ACSS3: variants seen among roughly 807,000 people sequenced by gnomAD.
ACSS3 encodes the protein acyl-CoA synthetase short-chain family member 3, mitochondrial.
In ACSS3, 64 loss-of-function variants were observed where a neutral mutation model predicts 84.2. The ratio of observed to expected loss-of-function variants is 0.76; its 90% CI spans 0.62 to 0.94. The LOEUF is 0.94. Ranked by LOEUF, ACSS3 falls within the 40% of genes least tolerant of loss-of-function variation. ACSS3 has a pLI of 0.00. For missense variants in ACSS3, 815 were observed against 867.6 expected (o/e 0.94, Z 0.76); for synonymous variants, 317 against 310.1 (o/e 1.02, Z -0.23).
intron 7 of ACSS3, among the ~76,000 whole-genome samples, chr12:81,172,909 C>G (rs1423853932): frequency 6.6e-6 from 1 of 152,100 alleles, no homozygotes; most frequent in Non-Finnish European, 1.5e-5. Context: ...TATAAAATAT[C>G]TTTCTTCAGT....
At chr12:81,250,147 T>TC (rs961905853) in intron 13 of ACSS3, among the ~76,000 whole-genome samples, 46 of 152,102 alleles carry the variant, frequency 3.0e-4, no homozygotes, top group Admixed American at 1.8e-3. Flanking sequence ...TTGATATTTT[T>TC]CCCCCCATAG....
At chr12:81,250,770 G>T (rs2034126979) in intron 13 of ACSS3, among the ~76,000 whole-genome samples, 1 of 152,096 alleles carries the variant, frequency 6.6e-6, no homozygotes, top group African/African-American at 2.4e-5. Context: ...TAAAACTCTG[G>T]TTAGCCAAGA....
At chr12:81,114,057 T>C (rs887236661) in intron 2 of ACSS3, among the ~76,000 whole-genome samples, 5 of 152,104 alleles carry the variant, frequency 3.3e-5, no homozygotes, top group Non-Finnish European at 5.9e-5. Context: ...CTTCTGTGTG[T>C]GGCAAGTGTG....
intron 2 of ACSS3, among the ~76,000 whole-genome samples, chr12:81,133,312 A>G (rs528428153): frequency 6.6e-6 from 1 of 152,230 alleles, no homozygotes; most frequent in African/African-American, 2.4e-5. Flanking sequence ...TCTTCTCCCA[A>G]GCCTCCTCTG....
intron 5 of ACSS3, among the ~76,000 whole-genome samples, chr12:81,145,496 A>G (rs1235673750): frequency 1.3e-5 from 2 of 152,156 alleles, no homozygotes; most frequent in African/African-American, 4.8e-5. Context: ...AGGTGATGCA[A>G]GATAGAAGGT....
intron 13 of ACSS3, among the ~76,000 whole-genome samples, chr12:81,244,198 A>T (rs1418674683): frequency 6.6e-6 from 1 of 152,062 alleles, no homozygotes; most frequent in Non-Finnish European, 1.5e-5. Flanking sequence ...TCTTGTTTAC[A>T]TGGTTCCTAA....
chr12:81,234,563 C>T (rs975926006), intron 13 of ACSS3, among the ~76,000 whole-genome samples: 7 of 151,204 alleles, frequency 4.6e-5, no homozygotes, highest in Non-Finnish European at 7.4e-5. Flanking sequence ...AGAACTTGGT[C>T]GTGTCATTAC....
chr12:81,207,949 T>C (rs1400523422), intron 9 of ACSS3, among the ~76,000 whole-genome samples: 1 of 152,122 alleles, frequency 6.6e-6, no homozygotes, highest in African/African-American at 2.4e-5. Flanking sequence ...TTAATGGTCT[T>C]CTTCCTATAC....
At chr12:81,218,124 T>A (rs7132250) in intron 10 of ACSS3, among the ~76,000 whole-genome samples, 63,127 of 151,986 alleles carry the variant, frequency 0.42, 13,866 homozygotes, top group Non-Finnish European at 0.49. Context: ...TTTTGTGATG[T>A]TATGCAATAA....
chr12:81,214,077 G>A (rs1304946054), intron 9 of ACSS3, among the ~76,000 whole-genome samples: 3 of 149,880 alleles, frequency 2.0e-5, no homozygotes, highest in Non-Finnish European at 4.4e-5. Context: ...CCAGGCTGGA[G>A]TGCAGTCGTG....
At chr12:81,162,464 T>A (rs985143804) in intron 7 of ACSS3, among the ~76,000 whole-genome samples, 1 of 151,656 alleles carries the variant, frequency 6.6e-6, no homozygotes, top group African/African-American at 2.4e-5. Context: ...GAGTCTGGGG[T>A]TTTTATGGTC....
intron 11 of ACSS3, among the ~76,000 whole-genome samples, chr12:81,221,936 C>T (rs2033123779): frequency 6.6e-6 from 1 of 152,022 alleles, no homozygotes; most frequent in Admixed American, 6.6e-5. Context: ...TTGATGCCAG[C>T]ACAGTTTTAA....
intron 9 of ACSS3, among the ~76,000 whole-genome samples, chr12:81,212,902 G>A (rs1282299243): frequency 1.3e-5 from 2 of 152,102 alleles, no homozygotes; most frequent in Admixed American, 6.5e-5. Flanking sequence ...AATGTGCTAA[G>A]GTGACATTCT....
intron 7 of ACSS3, among the ~76,000 whole-genome samples, chr12:81,172,535 C>T (rs2030151779): frequency 6.6e-6 from 1 of 152,086 alleles, no homozygotes; most frequent in Non-Finnish European, 1.5e-5. Context: ...ACTCGGGAGG[C>T]TGAGGCAGGA....
In ACSS3 at chr12:81,252,784, G is replaced by A. The variant is rs534746111; in HGVS notation, c.1720-523G>A. Among the ~76,000 whole-genome samples the A allele has an allele frequency of 9.9e-4, 150 of 152,182 alleles. 1 individual carries two copies. In the South Asian group the frequency reaches 0.03, roughly 31 times the overall value. ...TCTCTCCATATCCAGCCTCTTGCAA[G>A]TCCTGGAAAATCATCTCTGGGTGGG... On this transcript the variant is annotated intron_variant, in intron 13 of 15. Coordinates refer to ENST00000548058, the MANE Select transcript of ACSS3 (RefSeq NM_024560.4).
At chr12:81,131,341 A>G (rs1244207658) in intron 2 of ACSS3, among the ~76,000 whole-genome samples, 2 of 152,134 alleles carry the variant, frequency 1.3e-5, no homozygotes, top group African/African-American at 4.8e-5. Flanking sequence ...GAGGTCCTTC[A>G]CATCCCTTGT....
chr12:81,163,823 G>A (rs560027828), intron 7 of ACSS3, among the ~76,000 whole-genome samples: 15 of 152,270 alleles, frequency 9.9e-5, no homozygotes, highest in African/African-American at 3.6e-4. Context: ...GAATGAACAT[G>A]TAAACAAAGA....
At chr12:81,128,599 G>A (rs980060020) in intron 2 of ACSS3, among the ~76,000 whole-genome samples, 1 of 152,068 alleles carries the variant, frequency 6.6e-6, no homozygotes, top group Non-Finnish European at 1.5e-5. Context: ...ATTTAAGAAG[G>A]TGCAAAGATG....
intron 7 of ACSS3, among the ~76,000 whole-genome samples, chr12:81,161,615 C>T (rs1476103190): frequency 6.6e-6 from 1 of 152,176 alleles, no homozygotes; most frequent in Non-Finnish European, 1.5e-5. Flanking sequence ...CCTAATGTCA[C>T]AGGACCCTTG....
Sources: allele counts gnomAD v4.1 joint callset (sites outside exome capture counted in the v4.1 genomes callset), GRCh38; gene constraint gnomAD v4.1.1; transcripts MANE v1.5; gene names NCBI Gene and HGNC (gene_info 2026-07-23, HGNC 2026-07-21).